Variants in CDKL5 observed in about 807,000 individuals in gnomAD.
The protein encoded by CDKL5 is cyclin dependent kinase like 5, also known as cyclin-dependent kinase-like 5.
Under a neutral mutation model 61.7 loss-of-function variants are expected in CDKL5, and 8 were observed. The ratio of observed to expected loss-of-function variants is 0.13; its 90% confidence interval spans 0.08 to 0.23. The LOEUF (loss-of-function observed/expected upper bound fraction) is 0.23, where lower values mean the gene tolerates loss of function less well. Among genes scored for constraint, CDKL5 ranks in the 10% least tolerant of loss-of-function variants. The pLI, the probability that CDKL5 is intolerant of heterozygous loss-of-function variation, is 1.00. For missense variants in CDKL5, 440 were observed against 734.5 expected, an observed-to-expected ratio of 0.60 and a Z score of 4.63; for synonymous variants, 275 against 272.3, an observed-to-expected ratio of 1.01 and a Z score of -0.10.
Position 18,633,759 on chromosome X carries a change from TTAC to T in CDKL5, c.*5006_*5008del. 8 of 753,315 alleles carry T rather than the reference TTAC, an allele frequency of 1.1e-5. No individual in the cohort carries two copies. Among genetic ancestry groups the T allele is most frequent in the Non-Finnish European group, 1.3e-5 (8 of 638,538 alleles). The allele number at this position is 753,315 out of a possible 1,213,427, so 62.1% of individuals were successfully genotyped here. On this transcript the variant is annotated 3_prime_UTR_variant, in exon 18 of 18. Coordinates refer to ENST00000623535, the MANE Select transcript of CDKL5 (RefSeq NM_001323289.2). ...AATGGTAGGCCTTCATGTGAGCCAG[TTAC>T]TACATGAATCTTCATTTCCCACAGT...
At chrX:18,652,376 A>G (rs1230815357) in intron 21 of CDKL5, among the ~76,000 whole-genome samples, 2 of 112,494 alleles carry the variant, frequency 1.8e-5, no homozygotes, top group African/African-American at 6.5e-5. Flanking sequence ...GAAAGAATTA[A>G]GGGGATCCAA....
chrX:18,504,271 TG>T lies in CDKL5; in HGVS notation c.-162-2663del, dbSNP rs1922492331. 2.7e-5 allele frequency among the ~76,000 whole-genome samples: 3 copies of T among 110,339 alleles called. No homozygotes were observed. The South Asian group carries it at 1.2e-3, about 44-fold the overall frequency. ...AGGCTAGGTTTTTTTTGTTTTTGTT[TG>T]TTTTTTTTGTTTTTGTAGAGACTGG... On this transcript the variant is annotated intron_variant, in intron 1 of 17. Transcript: ENST00000623535.
chrX:18,504,213 C>T (rs765608282), intron 1 of CDKL5, among the ~76,000 whole-genome samples: 1 of 111,393 alleles, frequency 9.0e-6, no homozygotes, highest in African/African-American at 3.3e-5. Flanking sequence ...TCAAGTGATC[C>T]TCCCGTCTCA....
chrX:18,604,303 C>A lies in CDKL5; in HGVS notation c.1379C>A (p.Pro460His). The change falls in exon 12 of 18, where the codon CCC becomes CAC. Residue 460 changes from proline (P) to histidine (H), a missense_variant. By Grantham distance (77) the Pro-to-His change is moderately conservative. This residue lies in a region of CDKL5 where 363 missense variants were observed against 516.3 expected (regional missense o/e 0.70). Transcript: ENST00000623535. ...SSQSKAGTLQ[P>H]NEKQSRHSYI... ...CAAAGCAAAGCTGGGACACTGCAGC[C>A]CAATGAAAAGCAGAGTCGGCATAGC... 2.5e-6 allele frequency: 3 copies of A among 1,211,228 alleles called. No homozygotes were observed. The highest frequency in any genetic ancestry group is 3.4e-6 in the Non-Finnish European group (3 of 895,097).
intron 1 of CDKL5, among the ~76,000 whole-genome samples, chrX:18,493,963 A>G (rs746172156): frequency 1.8e-5 from 2 of 111,432 alleles, no homozygotes; most frequent in Non-Finnish European, 3.8e-5. Context: ...CACCCAGGCT[A>G]GAGTGCAGTG....
At chrX:18,626,726 C>CCT (rs1927069184) in intron 17 of CDKL5, 1 of 40,723 alleles carries the variant, frequency 2.5e-5, no homozygotes, top group Non-Finnish European at 4.3e-5. Context: ...CTCTCTCTCC[C>CCT]CCCTCTCTCC....
chrX:18,449,953 C>T (rs1464810456), intron 1 of CDKL5, among the ~76,000 whole-genome samples: 1 of 111,615 alleles, frequency 9.0e-6, no homozygotes, highest in Non-Finnish European at 1.9e-5. Flanking sequence ...TGCCACCACG[C>T]GCAGCTAATT....
At chrX:18,500,749 A>G (rs1370171511) in intron 1 of CDKL5, among the ~76,000 whole-genome samples, 13 of 112,284 alleles carry the variant, frequency 1.2e-4, no homozygotes, top group East Asian at 8.3e-4. Flanking sequence ...GCTAAATCCA[A>G]TATGGCATAA....
intron 20 of CDKL5, among the ~76,000 whole-genome samples, chrX:18,648,009 C>T (rs1372344971): frequency 9.0e-6 from 1 of 111,381 alleles, no homozygotes; most frequent in Non-Finnish European, 1.9e-5. Context: ...GATTGTCTCC[C>T]CCTTCCTCTC....
intron 3 of CDKL5, among the ~76,000 whole-genome samples, chrX:18,542,154 G>A (rs966571958): frequency 1.8e-5 from 2 of 111,392 alleles, no homozygotes; most frequent in Admixed American, 1.9e-4. Context: ...TGGAAGTTGA[G>A]TTTTCTAATT....
chrX:18,506,689 G>A (rs958823194), intron 1 of CDKL5, among the ~76,000 whole-genome samples: 1 of 111,746 alleles, frequency 8.9e-6, no homozygotes, highest in Non-Finnish European at 1.9e-5. Context: ...GTTAGCTGTG[G>A]TTAATTCATT....
intron 3 of CDKL5, among the ~76,000 whole-genome samples, chrX:18,555,338 T>TGAAAA (rs1924562544): frequency 1.8e-5 from 2 of 112,087 alleles, no homozygotes; most frequent in African/African-American, 6.5e-5. Flanking sequence ...GTATTTTTTT[T>TGAAAA]AAGTGTTTGA....
At chrX:18,574,695 A>G (rs1327534998) in intron 4 of CDKL5, among the ~76,000 whole-genome samples, 1 of 110,998 alleles carries the variant, frequency 9.0e-6, no homozygotes, top group East Asian at 2.8e-4. Context: ...GGATGGACAG[A>G]TGGACATGCC....
At chrX:18,559,000 G>A (rs1328413102) in intron 3 of CDKL5, among the ~76,000 whole-genome samples, 1 of 112,382 alleles carries the variant, frequency 8.9e-6, no homozygotes, top group Non-Finnish European at 1.9e-5. Flanking sequence ...GCTAATGAAT[G>A]GCATGTGCTC....
chrX:18,634,563 T>C lies in CDKL5; in HGVS notation c.*5806T>C. 1 of 754,361 alleles carries C rather than the reference T, an allele frequency of 1.3e-6. No individual in the cohort carries two copies. The highest frequency in any genetic ancestry group is 1.6e-6 in the Non-Finnish European group (1 of 639,357). 62.2% of individuals were successfully genotyped at this position (754,361 alleles called of 1,213,427 possible). A position where few individuals can be genotyped will look rare whatever the true frequency, so the allele number is the denominator to read the frequency against. ...CCAGCACGGCTTAGGTTTTCCAAAA[T>C]GGAAAGCAAAGCTTGCAGACAACCT... On this transcript the variant is annotated 3_prime_UTR_variant, in exon 18 of 18. Coordinates refer to ENST00000623535, the MANE Select transcript of CDKL5 (RefSeq NM_001323289.2).
intron 1 of CDKL5, among the ~76,000 whole-genome samples, chrX:18,452,539 C>T (rs1185571548): frequency 9.1e-6 from 1 of 110,282 alleles, no homozygotes; most frequent in Non-Finnish European, 1.9e-5. Flanking sequence ...GATTCTCCCA[C>T]CTCAGCCTCC....
intron 15 of CDKL5, among the ~76,000 whole-genome samples, chrX:18,613,509 G>C (rs1268790808): frequency 8.9e-6 from 1 of 111,981 alleles, no homozygotes; most frequent in Non-Finnish European, 1.9e-5. Flanking sequence ...TTAAATACCT[G>C]ATACGCTTTC....
At chrX:18,527,753 A>C (rs1010471028) in intron 3 of CDKL5, among the ~76,000 whole-genome samples, 6 of 110,985 alleles carry the variant, frequency 5.4e-5, no homozygotes, top group Non-Finnish European at 7.6e-5. Context: ...TCCGTGTTTT[A>C]GGCTTAAGTT....
intron 9 of CDKL5, chrX:18,588,739 C>T (rs1318185191): frequency 9.1e-6 from 1 of 110,040 alleles, no homozygotes; most frequent in African/African-American, 3.3e-5. Flanking sequence ...TTTGTGAAAC[C>T]CCATCTCTAC....
Sources: gnomAD v4.1 joint callset for allele counts (sites outside exome capture counted in the v4.1 genomes callset) on GRCh38, gnomAD v4.1.1 for gene constraint, gnomAD v4.1.1 regional missense constraint, MANE v1.5 for transcripts, NCBI Gene and HGNC (gene_info 2026-07-23, HGNC 2026-07-21) for gene names.